Variants in FER observed in about 807,000 individuals in gnomAD.
The protein encoded by FER is tyrosine-protein kinase Fer.
In FER, 63 loss-of-function variants were observed where a neutral mutation model predicts 111.0. That is an observed-to-expected ratio of 0.57 (90% confidence interval 0.46 to 0.70). The LOEUF is 0.70. Among genes scored for constraint, FER ranks in the 30% least tolerant of loss-of-function variants. The pLI is 0.00. For synonymous variants in FER, 327 were observed against 313.9 expected, an observed-to-expected ratio of 1.04 and a Z score of -0.44; for missense variants, 914 against 954.0, an observed-to-expected ratio of 0.96 and a Z score of 0.55.
chr5:108,774,894 T>A (rs1753322711), intron 2 of FER, among the ~76,000 whole-genome samples: 1 of 152,212 alleles, frequency 6.6e-6, no homozygotes, highest in African/African-American at 2.4e-5. Context: ...CTCTTTAGTT[T>A]AATTAGATCC....
chr5:108,924,611 A>T, intron 10 of FER: 2 of 1,231,048 alleles, frequency 1.6e-6, no homozygotes, highest in Non-Finnish European at 2.0e-6. Context: ...GTTTGTTGGT[A>T]AATTGACTTC....
intron 16 of FER, chr5:109,052,495 A>G (rs1772982125): frequency 5.5e-6 from 5 of 907,870 alleles, no homozygotes; most frequent in African/African-American, 4.9e-5. Flanking sequence ...AAAGAAGTGA[A>G]GTCACGCCAG....
At chr5:109,074,829 G>T (rs139022756) in intron 16 of FER, among the ~76,000 whole-genome samples, 2 of 152,182 alleles carry the variant, frequency 1.3e-5, no homozygotes, top group Admixed American at 1.3e-4. Context: ...AGTAAGTGAC[G>T]TGAAAACCTA....
chr5:108,836,855 C>G (rs567700438), intron 5 of FER, among the ~76,000 whole-genome samples: 29 of 151,972 alleles, frequency 1.9e-4, no homozygotes, highest in Admixed American at 5.9e-4. Context: ...TGTTTGTCCC[C>G]CTTCTCTCTC....
intron 3 of FER, among the ~76,000 whole-genome samples, chr5:108,808,117 C>G (rs1446524342): frequency 6.6e-6 from 1 of 151,680 alleles, no homozygotes; most frequent in African/African-American, 2.4e-5. Flanking sequence ...GGAATATTTC[C>G]TAGATTTCTA....
In FER at chr5:108,869,137, A is replaced by T. The variant is rs139984388; in HGVS notation, c.665+1187A>T. Among the ~76,000 whole-genome samples, 188 of 152,286 alleles carry T rather than the reference A, an allele frequency of 1.2e-3. 1 individual carries two copies. The highest frequency in any genetic ancestry group is 4.3e-3 in the African/African-American group (179 of 41,572). ...CAAAGTAACTGTTAAAGGTAAAATG[A>T]TAATTTCTAAAACAAAACATTTCAT... is the stretch of plus-strand genomic sequence containing the variant. On this transcript the variant is annotated intron_variant, in intron 6 of 19. Transcript: ENST00000281092.
At chr5:109,165,540 G>C (rs1276051661) in intron 17 of FER, among the ~76,000 whole-genome samples, 1 of 151,964 alleles carries the variant, frequency 6.6e-6, no homozygotes, top group Non-Finnish European at 1.5e-5. Context: ...GATGAGGGAA[G>C]GGTCACTTTT....
At chr5:109,178,460 G>A (rs1345497003) in intron 17 of FER, among the ~76,000 whole-genome samples, 1 of 152,158 alleles carries the variant, frequency 6.6e-6, no homozygotes, top group Non-Finnish European at 1.5e-5. Context: ...ATATTACTCT[G>A]AAGAAAGTAC....
intron 1 of FER, among the ~76,000 whole-genome samples, chr5:108,755,193 TG>T (rs1207024828): frequency 1.3e-5 from 2 of 152,258 alleles, no homozygotes; most frequent in Non-Finnish European, 2.9e-5. Context: ...TTCTTATTCT[TG>T]CCCCTTGTAT....
intron 17 of FER, among the ~76,000 whole-genome samples, chr5:109,119,036 C>G (rs555021714): frequency 5.4e-4 from 81 of 149,688 alleles, no homozygotes; most frequent in African/African-American, 1.9e-3. Context: ...TTAGTTATTT[C>G]TTGCCTTCTG....
At chr5:109,121,457 G>A (rs1485492452) in intron 17 of FER, among the ~76,000 whole-genome samples, 3 of 152,110 alleles carry the variant, frequency 2.0e-5, no homozygotes, top group Non-Finnish European at 4.4e-5. Context: ...ACTTGGTCGT[G>A]ATGAATGATC....
At chr5:109,033,167 G>A (rs1489038991) in intron 13 of FER, among the ~76,000 whole-genome samples, 1 of 152,140 alleles carries the variant, frequency 6.6e-6, no homozygotes, top group Non-Finnish European at 1.5e-5. Context: ...GACTGATAAA[G>A]CTACTATTCC....
intron 16 of FER, among the ~76,000 whole-genome samples, chr5:109,049,118 C>G (rs1344503322): frequency 2.0e-5 from 3 of 152,102 alleles, no homozygotes; most frequent in Non-Finnish European, 4.4e-5. Flanking sequence ...ATCCGAGTTT[C>G]TGTGTATTTT....
rs79538944 is a variant in FER, at chr5:109,126,268, C to T, written c.2048+25749C>T. Reference sequence around the variant, plus strand: ...CCCTTGGCCCCATTTTAAGTGCACACGGAGTTAAGAACCCTGCGGTTTGCA... The same window carrying T: ...CCCTTGGCCCCATTTTAAGTGCACATGGAGTTAAGAACCCTGCGGTTTGCA... On this transcript the variant is annotated intron_variant, in intron 17 of 19. Coordinates refer to ENST00000281092, the MANE Select transcript of FER (RefSeq NM_005246.4). 7.8e-3 allele frequency among the ~76,000 whole-genome samples: 1,185 copies of T among 152,264 alleles called. 11 individuals are homozygous for T. Among genetic ancestry groups the T allele is most frequent in the African/African-American group, 0.028 (1,145 of 41,548 alleles).
At chr5:108,848,559 G>A (rs1330167265) in intron 5 of FER, among the ~76,000 whole-genome samples, 1 of 152,066 alleles carries the variant, frequency 6.6e-6, no homozygotes, top group South Asian at 2.1e-4. Context: ...TATATACCAT[G>A]TATATAGTAT....
chr5:109,145,809 T>C (rs9326762), intron 17 of FER, among the ~76,000 whole-genome samples: 2 of 151,958 alleles, frequency 1.3e-5, no homozygotes, highest in Non-Finnish European at 1.5e-5. Flanking sequence ...TCAGGAAATA[T>C]ATGCTAATGT....
chr5:108,913,202 C>G (rs1367429516), intron 10 of FER, among the ~76,000 whole-genome samples: 1 of 152,112 alleles, frequency 6.6e-6, no homozygotes, highest in East Asian at 1.9e-4. Flanking sequence ...ACTTTTACTG[C>G]TTAACACAGT....
At chr5:109,100,563 A>G in intron 17 of FER, 44 bp downstream of exon 17, 2 of 1,564,928 alleles carry the variant, frequency 1.3e-6, no homozygotes, top group South Asian at 1.2e-5. Context: ...TTATTAATAG[A>G]ATGCTGGAAA....
chr5:108,881,223 T>A (rs1765641857), intron 8 of FER, among the ~76,000 whole-genome samples: 1 of 152,142 alleles, frequency 6.6e-6, no homozygotes, highest in Non-Finnish European at 1.5e-5. Context: ...GATAAAGACT[T>A]TTGAGCCTGG....
Sources: allele counts gnomAD v4.1 joint callset (sites outside exome capture counted in the v4.1 genomes callset), GRCh38; gene constraint gnomAD v4.1.1; transcripts MANE v1.5; gene names NCBI Gene and HGNC (gene_info 2026-07-23, HGNC 2026-07-21).